The following COL4A4 variants were observed in gnomAD, a reference collection of about 807,000 sequenced individuals.
COL4A4 encodes collagen type IV alpha 4 chain.
Under a neutral mutation model 192.9 loss-of-function variants are expected in COL4A4, and 105 were observed. The ratio of observed to expected loss-of-function variants is 0.54; its 90% CI spans 0.46 to 0.64. The LOEUF is 0.64. Ranked by LOEUF, COL4A4 falls within the 30% of genes least tolerant of loss-of-function variation. COL4A4 has a pLI of 0.00. For synonymous variants in COL4A4, 762 were observed against 769.9 expected, an observed-to-expected ratio of 0.99 and a Z score of 0.17; for missense variants, 1,967 against 2,169.3, an observed-to-expected ratio of 0.91 and a Z score of 1.85.
In COL4A4 at chr2:227,074,553, A is replaced by G. The variant is rs527901767; in HGVS notation, c.1987+3341T>C. On this transcript the variant is annotated intron_variant, in intron 25 of 47. Coordinates refer to ENST00000396625, the MANE Select transcript of COL4A4 (RefSeq NM_000092.5). ...CGACCCAGCAATCCCACTACTGGGT[A>G]TCTACCCAAAGGAAGAGAAGTCATT... Among the ~76,000 whole-genome samples the G allele has an allele frequency of 4.6e-5, 7 of 152,350 alleles. No homozygotes were observed. In the East Asian group the frequency reaches 1.3e-3, roughly 29 times the overall value.
chr2:227,069,630 A>G lies in COL4A4; in HGVS notation c.1988-7032T>C, dbSNP rs567982381. Among the ~76,000 whole-genome samples, 231 of 152,346 alleles carry G rather than the reference A, an allele frequency of 1.5e-3. 2 individuals carry two copies. Among genetic ancestry groups the G allele is most frequent in the African/African-American group, 4.9e-3 (203 of 41,588 alleles). On this transcript the variant is annotated intron_variant, in intron 25 of 47. Coordinates refer to ENST00000396625, the MANE Select transcript of COL4A4 (RefSeq NM_000092.5). ...ACAAGCAATAGGGAAAGGATTCCCT[A>G]TTTAATAAATGGTGCTGGGAAAACT...
rs1158615890 is a variant in COL4A4, at chr2:227,077,920, C to T, written c.1961G>A (p.Gly654Asp). The T allele has an allele frequency of 1.2e-6, 2 of 1,613,344 alleles. No individual in the cohort carries two copies. The highest frequency in any genetic ancestry group is 3.3e-5 in the Admixed American group (2 of 60,014). Reference protein sequence around the residue: ...PGVPGHPGVRGPDGLKGQKGD... With the variant: ...PGVPGHPGVRDPDGLKGQKGD... Reference sequence around the variant, plus strand: ...TTTCTGACCCTTCAAGCCATCAGGGCCCCTCACACCTGGGTGGCCTGGAAC... The same window carrying T: ...TTTCTGACCCTTCAAGCCATCAGGGTCCCTCACACCTGGGTGGCCTGGAAC... Residue 654 changes from glycine to aspartate, a missense_variant, in exon 25 of 48, where the codon GGC (glycine) becomes GAC (aspartate). Coordinates refer to ENST00000396625, the MANE Select transcript of COL4A4 (RefSeq NM_000092.5).
chr2:227,151,443 G>A (rs565109644), intron 1 of COL4A4, among the ~76,000 whole-genome samples: 9 of 152,172 alleles, frequency 5.9e-5, no homozygotes, highest in Admixed American at 1.3e-4. Flanking sequence ...CAAGATCAAC[G>A]ATCCTTTCTA....
chr2:227,063,750 A>G (rs1368801814), intron 25 of COL4A4, among the ~76,000 whole-genome samples: 1 of 151,934 alleles, frequency 6.6e-6, no homozygotes, highest in Non-Finnish European at 1.5e-5. Context: ...TAAATGAGAT[A>G]CTAGTTTTTA....
intron 8 of COL4A4, among the ~76,000 whole-genome samples, chr2:227,112,647 C>T (rs2061280873): frequency 6.6e-6 from 1 of 152,182 alleles, no homozygotes; most frequent in African/African-American, 2.4e-5. Flanking sequence ...CATTGTTATT[C>T]ACCCATGACC....
chr2:226,993,668 T>G, the COL4A4 span, among the ~76,000 whole-genome samples: 1 of 152,354 alleles, frequency 6.6e-6, no homozygotes, highest in Non-Finnish European at 1.5e-5. Flanking sequence ...AATTCTCCCA[T>G]GCTCTCAACA....
At chr2:227,032,123 A>G in intron 39 of COL4A4, 25 bp downstream of exon 39, 1 of 1,614,132 alleles carries the variant, frequency 6.2e-7, no homozygotes, top group Non-Finnish European at 8.5e-7. Context: ...TTATTGAAAG[A>G]AGGGCAAAGC....
At chr2:227,106,479 A>G (rs1353210177) in intron 12 of COL4A4, among the ~76,000 whole-genome samples, 1 of 152,264 alleles carries the variant, frequency 6.6e-6, no homozygotes, top group Non-Finnish European at 1.5e-5. Flanking sequence ...ATAAATAGCA[A>G]CCATTTAGGG....
At chr2:227,042,393 T>G in intron 36 of COL4A4, 138 bp from the exon 37 acceptor site, 4 of 638,680 alleles carry the variant, frequency 6.3e-6, no homozygotes, top group Admixed American at 2.6e-5. Context: ...ATCTTAACTC[T>G]AGGGAGAAAA....
intron 44 of COL4A4, among the ~76,000 whole-genome samples, chr2:227,019,960 C>T (rs1210804603): frequency 6.6e-6 from 1 of 152,252 alleles, no homozygotes; most frequent in Non-Finnish European, 1.5e-5. Flanking sequence ...AGCCACAACA[C>T]CCAACTTGCA....
chr2:227,051,278 C>G, intron 32 of COL4A4, 120 bp from the exon 33 acceptor site: 1 of 1,003,504 alleles, frequency 1.0e-6, no homozygotes, highest in African/African-American at 1.6e-5. Context: ...ATTCTGATTG[C>G]TGTCCCAAGC....
chr2:226,987,660 G>A, the COL4A4 span, among the ~76,000 whole-genome samples: 1 of 152,258 alleles, frequency 6.6e-6, no homozygotes, highest in Admixed American at 6.5e-5. Context: ...TACAGATGAG[G>A]GGCCTGAGGC....
At chr2:227,080,694 C>T (rs1422135335) in intron 23 of COL4A4, 145 bp from the exon 24 acceptor site, 7 of 693,420 alleles carry the variant, frequency 1.0e-5, no homozygotes, top group Middle Eastern at 7.3e-4. Context: ...ATAAAACATG[C>T]CAAAGCCAGA....
chr2:227,060,042 C>T, intron 27 of COL4A4, 94 bp downstream of exon 27: 7 of 815,674 alleles, frequency 8.6e-6, no homozygotes, highest in Non-Finnish European at 1.4e-5. Flanking sequence ...ACCATTTCCT[C>T]AATGAAATTA....
At chr2:227,074,050 G>T (rs572773720) in intron 25 of COL4A4, among the ~76,000 whole-genome samples, 10 of 151,326 alleles carry the variant, frequency 6.6e-5, no homozygotes, top group Non-Finnish European at 1.3e-4. Flanking sequence ...TACATAAATG[G>T]GACCCAGTTA....
rs1973993843 is a variant in COL4A4, at chr2:227,051,065, C to A, written c.3062G>T (p.Gly1021Val). The change falls in exon 33 of 48, where the codon GGT (glycine) becomes GTT (valine). Residue 1021 changes from glycine (G) to valine (V), a missense_variant. Physicochemically the swap from Gly to Val is moderately radical, Grantham distance 109. Transcript: ENST00000396625. ...GFHRGEPGEKGQPGPPGPPGP... is the reference protein window; with the variant it reads ...GFHRGEPGEKVQPGPPGPPGP... Reference sequence around the variant, plus strand: ...TGGGGGTCCAGGAGGCCCTGGCTGACCTTTCTCACCAGGTTCCCCTCTGTG... The same window carrying A: ...TGGGGGTCCAGGAGGCCCTGGCTGAACTTTCTCACCAGGTTCCCCTCTGTG... 6.2e-7 allele frequency: 1 copy of A among 1,614,070 alleles called. No homozygotes were observed. The highest frequency in any genetic ancestry group is 1.1e-5 in the South Asian group (1 of 91,088).
In COL4A4 at chr2:227,033,430, T is replaced by C. The variant is rs1455243860; in HGVS notation, c.3557A>G (p.Lys1186Arg). The C allele has an allele frequency of 6.2e-7, 1 of 1,613,570 alleles. No individual in the cohort carries two copies. The highest frequency in any genetic ancestry group is 1.1e-5 in the South Asian group (1 of 91,078). The change falls in exon 38 of 48, where the codon AAA becomes AGA. Residue 1186 changes from lysine to arginine, a missense_variant. By Grantham distance (26) the Lys-to-Arg change is conservative. Transcript: ENST00000396625. ...LNGLHGLKGQ[K>R]GTKGASGLHD... ...CTTACCTGAAGCACCTTTAGTTCCT[T>C]TCTGACCTTTCAATCCATGCAAGCC...
At position 227,041,603 on chromosome 2, in the gene COL4A4, T is replaced by G. The variant is rs538270728; in HGVS notation, c.3505+545A>C. 1.0e-4 allele frequency among the ~76,000 whole-genome samples: 15 copies of G among 147,432 alleles called. No individual in the cohort carries two copies. The East Asian group carries it at 2.0e-3, about 19-fold the overall frequency. On this transcript the variant is annotated intron_variant, in intron 37 of 47. Transcript: ENST00000396625. Reference sequence around the variant, plus strand: ...TTGCAGTGAGCTGAGAACGCGTCACTGTACTCCAGCCTGGGTGACAGAGCA... The same window carrying G: ...TTGCAGTGAGCTGAGAACGCGTCACGGTACTCCAGCCTGGGTGACAGAGCA...
intron 22 of COL4A4, among the ~76,000 whole-genome samples, chr2:227,086,603 A>G (rs1013471904): frequency 6.6e-6 from 1 of 152,114 alleles, no homozygotes; most frequent in African/African-American, 2.4e-5. Flanking sequence ...CAGATACACA[A>G]TCAGAAACGT....
Sources: gnomAD v4.1 joint callset for allele counts (sites outside exome capture counted in the v4.1 genomes callset) on GRCh38, gnomAD v4.1.1 for gene constraint, MANE v1.5 for transcripts, NCBI Gene and HGNC (gene_info 2026-07-23, HGNC 2026-07-21) for gene names.